Variants in LAMA2 observed in about 807,000 individuals in gnomAD.
LAMA2 encodes laminin subunit alpha 2.
A neutral mutation model predicts 364.8 loss-of-function variants in LAMA2; 269 were observed. That is an observed-to-expected ratio of 0.74 (90% CI 0.67 to 0.82). LAMA2 has a LOEUF of 0.82. Among genes scored for constraint, LAMA2 ranks in the 40% least tolerant of loss-of-function variants. The pLI is 0.00. For missense variants in LAMA2, 3,807 were observed against 3,873.2 expected, an observed-to-expected ratio of 0.98 and a Z score of 0.45; for synonymous variants, 1,379 against 1,370.6, an observed-to-expected ratio of 1.01 and a Z score of -0.14.
intron 30 of LAMA2, among the ~76,000 whole-genome samples, chr6:129,346,288 T>C (rs1337204677): frequency 6.6e-6 from 1 of 152,162 alleles, no homozygotes; most frequent in African/African-American, 2.4e-5. Context: ...CTTGCACTTA[T>C]CTAGACATCA....
chr6:129,072,346 G>A (rs148067960), intron 3 of LAMA2, among the ~76,000 whole-genome samples: 2,349 of 152,086 alleles, frequency 0.015, 24 homozygotes, highest in Non-Finnish European at 0.023. Context: ...ACTGCCAGCA[G>A]TACTTCTATC....
chr6:129,389,114 G>A (rs1210234162), intron 35 of LAMA2, among the ~76,000 whole-genome samples: 1 of 152,146 alleles, frequency 6.6e-6, no homozygotes, highest in African/African-American at 2.4e-5. Context: ...TTTGGCATAT[G>A]TCAAGGTATA....
chr6:129,311,274 A>C (rs1029410531), intron 22 of LAMA2, among the ~76,000 whole-genome samples: 19 of 152,030 alleles, frequency 1.2e-4, no homozygotes, highest in African/African-American at 4.6e-4. Context: ...GGCGTCCGCC[A>C]CCACGCCCGG....
intron 9 of LAMA2, among the ~76,000 whole-genome samples, chr6:129,171,783 T>G (rs2115004735): frequency 8.7e-6 from 1 of 114,546 alleles, no homozygotes; most frequent in Middle Eastern, 3.9e-3. Context: ...CCAACTTGGT[T>G]CCATTCTCCC....
chr6:128,921,720 ATTATAC>A (rs1374315741), intron 1 of LAMA2, among the ~76,000 whole-genome samples: 2 of 118,698 alleles, frequency 1.7e-5, no homozygotes, highest in Non-Finnish European at 3.3e-5. Flanking sequence ...TTTTATTATT[ATTATAC>A]TTTAAGTTTT....
At chr6:129,123,965 C>T (rs1002845502) in intron 4 of LAMA2, among the ~76,000 whole-genome samples, 12 of 152,072 alleles carry the variant, frequency 7.9e-5, no homozygotes, top group South Asian at 2.1e-4. Context: ...GTGGCAGAGA[C>T]GGTGGTGATG....
In LAMA2 at chr6:129,176,316, TA is replaced by T. The variant is rs565721002; in HGVS notation, c.1307-1386del. On this transcript the variant is annotated intron_variant, in intron 9 of 64. Coordinates refer to ENST00000421865, the MANE Select transcript of LAMA2 (RefSeq NM_000426.4). ...ATTTTTGTGGCATTTGATACACATC[TA>T]AAAGTAGTAATTTATGTTAAGAAAA... 5.9e-3 allele frequency among the ~76,000 whole-genome samples: 898 copies of T among 152,118 alleles called. 8 individuals carry two copies. Among genetic ancestry groups the T allele is most frequent in the Non-Finnish European group, 0.011 (724 of 67,930 alleles).
chr6:129,284,196 C>G (rs953860833), intron 18 of LAMA2, among the ~76,000 whole-genome samples: 4 of 151,822 alleles, frequency 2.6e-5, no homozygotes, highest in Admixed American at 1.3e-4. Context: ...GCATTACAGC[C>G]ACGCCTCTTT....
intron 1 of LAMA2, among the ~76,000 whole-genome samples, chr6:128,959,778 T>C (rs945149793): frequency 3.3e-5 from 5 of 152,150 alleles, no homozygotes; most frequent in Admixed American, 3.3e-4. Flanking sequence ...ATACACTATA[T>C]AGTTTACTTA....
intron 29 of LAMA2, among the ~76,000 whole-genome samples, chr6:129,336,534 G>T (rs539802306): frequency 7.2e-5 from 11 of 152,202 alleles, no homozygotes; most frequent in African/African-American, 2.6e-4. Context: ...CTCATTTATT[G>T]TTACAATAAA....
At chr6:129,119,900 A>G (rs1776706365) in intron 4 of LAMA2, among the ~76,000 whole-genome samples, 1 of 152,232 alleles carries the variant, frequency 6.6e-6, no homozygotes, top group Non-Finnish European at 1.5e-5. Flanking sequence ...GAACCAATTA[A>G]TAAATATGTC....
intron 2 of LAMA2, 84 bp from the exon 3 acceptor site, chr6:129,059,700 T>G (rs77668244): frequency 7.0e-5 from 45 of 646,722 alleles, no homozygotes; most frequent in Non-Finnish European, 9.7e-5. Flanking sequence ...GTTTTAACCA[T>G]TTTTTTTTAC....
At chr6:129,208,393 C>T (rs1324604791) in intron 12 of LAMA2, among the ~76,000 whole-genome samples, 1 of 151,924 alleles carries the variant, frequency 6.6e-6, no homozygotes, top group African/African-American at 2.4e-5. Flanking sequence ...TTAACTCCAA[C>T]TGGGCTTAAT....
intron 14 of LAMA2, among the ~76,000 whole-genome samples, chr6:129,259,639 A>G (rs1786980936): frequency 6.6e-6 from 1 of 152,120 alleles, no homozygotes; most frequent in Admixed American, 6.6e-5. Context: ...ACAGTCAATG[A>G]AAATAGGTTA....
chr6:129,324,183 A>G (rs926899060), intron 28 of LAMA2, among the ~76,000 whole-genome samples: 2 of 152,194 alleles, frequency 1.3e-5, no homozygotes. Flanking sequence ...CAATCATGGT[A>G]TCTTTATTTT....
chr6:129,420,610 C>CA (rs964343468), intron 40 of LAMA2, among the ~76,000 whole-genome samples: 2 of 151,442 alleles, frequency 1.3e-5, no homozygotes, highest in African/African-American at 4.9e-5. Flanking sequence ...AAAAAGTAAA[C>CA]AAAAAAACAG....
intron 12 of LAMA2, among the ~76,000 whole-genome samples, chr6:129,195,670 C>T (rs1296370077): frequency 2.0e-5 from 3 of 152,288 alleles, no homozygotes; most frequent in East Asian, 3.9e-4. Flanking sequence ...AAATCAGGCA[C>T]CCACAGGGCT....
chr6:129,200,276 A>ATG lies in LAMA2; in HGVS notation c.1782+7424_1782+7425insGT, dbSNP rs555153934. On this transcript the variant is annotated intron_variant, in intron 12 of 64. Coordinates refer to ENST00000421865, the MANE Select transcript of LAMA2 (RefSeq NM_000426.4). Reference sequence around the variant, plus strand: ...TATACGTGTACACATATACATGTGTATATATATACGTGTACACATATACAT... The same window carrying ATG: ...TATACGTGTACACATATACATGTGTATGTATATATACGTGTACACATATACAT... 1.7e-3 allele frequency among the ~76,000 whole-genome samples: 225 copies of ATG among 134,934 alleles called. 34 individuals are homozygous for ATG. The highest frequency in any genetic ancestry group is 6.5e-3 in the African/African-American group (215 of 32,842). The allele number at this position is 134,934 out of a possible 152,430, so 88.5% of individuals were successfully genotyped here.
At chr6:129,009,172 CTT>C (rs1181623132) in intron 1 of LAMA2, among the ~76,000 whole-genome samples, 4 of 152,158 alleles carry the variant, frequency 2.6e-5, no homozygotes, top group South Asian at 2.1e-4. Context: ...CTATTTGACT[CTT>C]TAGTCAAACT....
Sources: allele counts gnomAD v4.1 joint callset (sites outside exome capture counted in the v4.1 genomes callset), GRCh38; gene constraint gnomAD v4.1.1; transcripts MANE v1.5; gene names NCBI Gene and HGNC (gene_info 2026-07-23, HGNC 2026-07-21).